The following AGBL4 variants were observed in gnomAD, a reference collection of about 807,000 sequenced individuals.
AGBL4 encodes AGBL carboxypeptidase 4, also known as cytosolic carboxypeptidase 6.
In AGBL4, 58 loss-of-function variants were observed where a neutral mutation model predicts 66.4. The ratio of observed to expected loss-of-function variants is 0.87; its 90% CI spans 0.71 to 1.09. The LOEUF (loss-of-function observed/expected upper bound fraction) is 1.09, where lower values mean the gene tolerates loss of function less well. AGBL4 is among the 50% of genes least tolerant of loss of function. The probability of loss-of-function intolerance (pLI) is 0.00; values close to 1 mark genes in which losing one functional copy is unlikely to be tolerated. For synonymous variants in AGBL4, 234 were observed against 222.9 expected (o/e 1.05, Z -0.44); for missense variants, 579 against 631.0 (o/e 0.92, Z 0.88).
intron 3 of AGBL4, among the ~76,000 whole-genome samples, chr1:49,660,934 C>A (rs1413781936): frequency 1.3e-5 from 2 of 151,792 alleles, no homozygotes; most frequent in Non-Finnish European, 2.9e-5. Context: ...GAGAACAACA[C>A]ACACTGTGGC....
At chr1:48,858,325 T>C (rs1570850019) in intron 6 of AGBL4, among the ~76,000 whole-genome samples, 1 of 152,226 alleles carries the variant, frequency 6.6e-6, no homozygotes, top group East Asian at 1.9e-4. Context: ...ATTCCATTCC[T>C]AGGTACATAT....
At chr1:48,691,468 A>G (rs1275192600) in intron 6 of AGBL4, among the ~76,000 whole-genome samples, 2 of 152,108 alleles carry the variant, frequency 1.3e-5, no homozygotes, top group Non-Finnish European at 2.9e-5. Context: ...GTATTCAGAA[A>G]GGCAGAAAGG....
intron 3 of AGBL4, among the ~76,000 whole-genome samples, chr1:49,370,049 A>T (rs1470128350): frequency 2.7e-5 from 4 of 149,664 alleles, no homozygotes; most frequent in Non-Finnish European, 5.9e-5. Context: ...GCCAGCCTCC[A>T]TCATCACATA....
chr1:49,899,431 C>T (rs1021250603), intron 1 of AGBL4, among the ~76,000 whole-genome samples: 2 of 151,240 alleles, frequency 1.3e-5, no homozygotes, highest in African/African-American at 2.4e-5. Context: ...GTGATGGATA[C>T]ACAATATACA....
chr1:48,597,386 A>T (rs1302227830), intron 9 of AGBL4, among the ~76,000 whole-genome samples: 3 of 152,158 alleles, frequency 2.0e-5, no homozygotes, highest in African/African-American at 7.2e-5. Flanking sequence ...ACATCAGATA[A>T]GCAAGGTAAT....
intron 9 of AGBL4, among the ~76,000 whole-genome samples, chr1:48,598,912 C>T (rs1451180938): frequency 6.6e-6 from 1 of 152,162 alleles, no homozygotes; most frequent in African/African-American, 2.4e-5. Context: ...AAAACACAAA[C>T]ACATTATACA....
intron 1 of AGBL4, among the ~76,000 whole-genome samples, chr1:49,864,329 A>G (rs1349836753): frequency 1.3e-5 from 2 of 152,200 alleles, no homozygotes; most frequent in Non-Finnish European, 2.9e-5. Flanking sequence ...AACAGAAAGA[A>G]TGAATATGAC....
chr1:48,786,838 A>C (rs1242206778), intron 6 of AGBL4, among the ~76,000 whole-genome samples: 3 of 152,092 alleles, frequency 2.0e-5, no homozygotes, highest in Non-Finnish European at 2.9e-5. Flanking sequence ...GGATAGCCCC[A>C]GTCAGAGATA....
At chr1:49,864,359 C>T (rs1432716097) in intron 1 of AGBL4, among the ~76,000 whole-genome samples, 1 of 152,126 alleles carries the variant, frequency 6.6e-6, no homozygotes, top group Non-Finnish European at 1.5e-5. Context: ...GATAGCATCA[C>T]AGGATGACTA....
intron 3 of AGBL4, among the ~76,000 whole-genome samples, chr1:49,612,519 A>G (rs1645174120): frequency 6.6e-6 from 1 of 152,236 alleles, no homozygotes. Flanking sequence ...ATGGAACTTA[A>G]GCAAATCAAA....
intron 8 of AGBL4, among the ~76,000 whole-genome samples, chr1:48,649,664 T>C (rs1409203438): frequency 6.6e-6 from 1 of 152,218 alleles, no homozygotes; most frequent in Non-Finnish European, 1.5e-5. Context: ...CAGTTCACTA[T>C]AAATACCACA....
chr1:49,308,286 T>C (rs773407012), intron 3 of AGBL4, among the ~76,000 whole-genome samples: 16 of 152,170 alleles, frequency 1.1e-4, no homozygotes, highest in Non-Finnish European at 1.8e-4. Flanking sequence ...GTTTAAATGT[T>C]CTATTGATTG....
intron 6 of AGBL4, among the ~76,000 whole-genome samples, chr1:48,793,281 T>C (rs1342469745): frequency 1.3e-5 from 2 of 152,210 alleles, no homozygotes; most frequent in African/African-American, 4.8e-5. Flanking sequence ...TTTCATAACA[T>C]GAAGAGCATC....
chr1:49,605,705 C>G (rs1194403658), intron 3 of AGBL4, among the ~76,000 whole-genome samples: 1 of 151,918 alleles, frequency 6.6e-6, no homozygotes, highest in Non-Finnish European at 1.5e-5. Flanking sequence ...TTTTTAAAAG[C>G]AGTTTAAATA....
At chr1:49,139,370 TA>T (rs1646073201) in intron 4 of AGBL4, among the ~76,000 whole-genome samples, 1 of 152,208 alleles carries the variant, frequency 6.6e-6, no homozygotes, top group Admixed American at 6.5e-5. Context: ...ACCATTCATT[TA>T]TTCATTCATC....
intron 2 of AGBL4, among the ~76,000 whole-genome samples, chr1:49,833,298 A>G (rs1286100713): frequency 2.6e-5 from 4 of 151,546 alleles, no homozygotes; most frequent in Non-Finnish European, 5.9e-5. Flanking sequence ...AAGATCAGAT[A>G]GTTGTAGATA....
intron 3 of AGBL4, among the ~76,000 whole-genome samples, chr1:49,467,899 G>A (rs1570789337): frequency 6.6e-6 from 1 of 151,708 alleles, no homozygotes; most frequent in East Asian, 1.9e-4. Flanking sequence ...ACTATATAAA[G>A]TCCTTCTAGG....
chr1:48,689,053 T>TA (rs1172307389), intron 6 of AGBL4, among the ~76,000 whole-genome samples: 1 of 151,226 alleles, frequency 6.6e-6, no homozygotes, highest in Non-Finnish European at 1.5e-5. Flanking sequence ...CCGTCTCTAC[T>TA]AAAAATACAA....
chr1:49,052,744 G>A (rs4306174), intron 4 of AGBL4, among the ~76,000 whole-genome samples: 145,395 of 152,230 alleles, frequency 0.96, 69,808 homozygotes, highest in East Asian at 1. Flanking sequence ...ACTAGACTGG[G>A]ATCCCCTTGT....
Sources: allele counts gnomAD v4.1 joint callset (sites outside exome capture counted in the v4.1 genomes callset), GRCh38; gene constraint gnomAD v4.1.1; transcripts MANE v1.5; gene names NCBI Gene and HGNC (gene_info 2026-07-23, HGNC 2026-07-21).